Variants in EPC2 observed in about 807,000 individuals in gnomAD.
EPC2 encodes the protein enhancer of polycomb 2.
Under a neutral mutation model 92.1 loss-of-function variants are expected in EPC2, and 14 were observed. The observed-to-expected ratio is 0.15, with a 90% confidence interval of 0.10 to 0.24. The LOEUF (loss-of-function observed/expected upper bound fraction) is 0.24. Among genes scored for constraint, EPC2 ranks in the 10% least tolerant of loss-of-function variants. EPC2 has a pLI of 1.00. For synonymous variants in EPC2, 340 were observed against 334.7 expected, an observed-to-expected ratio of 1.02 and a Z score of -0.17; for missense variants, 755 against 971.5, an observed-to-expected ratio of 0.78 and a Z score of 2.96.
intron 1 of EPC2, among the ~76,000 whole-genome samples, chr2:148,647,053 T>C (rs1288839001): frequency 6.6e-6 from 1 of 152,016 alleles, no homozygotes; most frequent in East Asian, 1.9e-4. Context: ...GAGGTTGCAG[T>C]GAGCAGAGAT....
At chr2:148,683,800 T>G (rs1029697294) in intron 1 of EPC2, among the ~76,000 whole-genome samples, 8 of 152,244 alleles carry the variant, frequency 5.3e-5, no homozygotes, top group African/African-American at 1.9e-4. Flanking sequence ...TGGTTTCATA[T>G]TTTTGCAATT....
intron 1 of EPC2, among the ~76,000 whole-genome samples, chr2:148,667,918 C>T (rs924570568): frequency 6.6e-6 from 1 of 152,006 alleles, no homozygotes; most frequent in East Asian, 1.9e-4. Flanking sequence ...TGTTTTGAGA[C>T]GGAGTCTCAC....
intron 1 of EPC2, among the ~76,000 whole-genome samples, chr2:148,664,813 A>G (rs1389177639): frequency 1.3e-5 from 2 of 152,222 alleles, no homozygotes; most frequent in Non-Finnish European, 2.9e-5. Context: ...TGCAGCTTGT[A>G]TAAATAGTTC....
chr2:148,695,926 T>A (rs1379054302), intron 2 of EPC2, among the ~76,000 whole-genome samples: 1 of 152,202 alleles, frequency 6.6e-6, no homozygotes, highest in Non-Finnish European at 1.5e-5. Flanking sequence ...GGATCTCAAT[T>A]TCAGGTGATT....
At chr2:148,780,218 T>G (rs930617659) in intron 10 of EPC2, among the ~76,000 whole-genome samples, 3 of 152,160 alleles carry the variant, frequency 2.0e-5, no homozygotes, top group African/African-American at 7.2e-5. Context: ...GCCCCCAGTT[T>G]TGAGTCTTTT....
intron 10 of EPC2, among the ~76,000 whole-genome samples, chr2:148,779,083 T>G (rs577995286): frequency 1.3e-4 from 20 of 152,172 alleles, no homozygotes; most frequent in African/African-American, 4.3e-4. Flanking sequence ...GAGAAAAGAA[T>G]AAGGTTCCTG....
chr2:148,750,211 G>A (rs1416701942), intron 3 of EPC2, among the ~76,000 whole-genome samples: 3 of 152,066 alleles, frequency 2.0e-5, no homozygotes, highest in African/African-American at 7.2e-5. Flanking sequence ...TTTAGAGGAA[G>A]AAATGAATTG....
chr2:148,732,933 T>C (rs1236654722), intron 2 of EPC2, among the ~76,000 whole-genome samples: 1 of 144,762 alleles, frequency 6.9e-6, no homozygotes, highest in Non-Finnish European at 1.5e-5. Context: ...TTCTAAATAT[T>C]AAGTGAATAG....
chr2:148,737,348 T>G (rs1327350255), intron 2 of EPC2, among the ~76,000 whole-genome samples: 1 of 152,116 alleles, frequency 6.6e-6, no homozygotes, highest in East Asian at 2.0e-4. Flanking sequence ...GTCCTATCTA[T>G]AAAATTAAAT....
chr2:148,751,701 T>G (rs1048989526), intron 3 of EPC2, among the ~76,000 whole-genome samples: 29 of 152,126 alleles, frequency 1.9e-4, no homozygotes, highest in African/African-American at 6.8e-4. Context: ...TTTTGCAGAT[T>G]TTTAATCATG....
intron 1 of EPC2, among the ~76,000 whole-genome samples, chr2:148,651,348 T>A (rs923692381): frequency 6.6e-6 from 1 of 152,194 alleles, no homozygotes; most frequent in Admixed American, 6.5e-5. Context: ...ATCATTCCCC[T>A]GTTTTCGTTC....
rs138096281 is a variant in EPC2 at position 148,701,679 on chromosome 2, G to A, written c.313+11306G>A. ...GCATGTATGTTCATGAGAGCTATTC[G>A]TCTGTCATTTTCCTTTCTTGTAATA... On this transcript the variant is annotated intron_variant, in intron 2 of 13. Transcript: ENST00000258484. 7.2e-5 allele frequency among the ~76,000 whole-genome samples: 11 copies of A among 152,192 alleles called. 1 individual carries two copies. In the East Asian group the frequency reaches 9.7e-4, roughly 13 times the overall value.
At chr2:148,717,230 CTCTG>C (rs1682280090) in intron 2 of EPC2, among the ~76,000 whole-genome samples, 1 of 94,028 alleles carries the variant, frequency 1.1e-5, no homozygotes, top group African/African-American at 4.2e-5. Flanking sequence ...TTTTTCTTGT[CTCTG>C]TCTACTTCGA....
At chr2:148,669,089 T>C (rs1681106371) in intron 1 of EPC2, among the ~76,000 whole-genome samples, 1 of 152,216 alleles carries the variant, frequency 6.6e-6, no homozygotes, top group Non-Finnish European at 1.5e-5. Context: ...TATTTCTCTT[T>C]TGATTTCTTC....
intron 2 of EPC2, 52 bp downstream of exon 2, chr2:148,690,425 G>A (rs1318679093): frequency 6.8e-7 from 1 of 1,466,454 alleles, no homozygotes; most frequent in Non-Finnish European, 9.1e-7. Flanking sequence ...TTATCAACCA[G>A]TGGAAATCTT....
chr2:148,723,118 C>T (rs1574605202), intron 2 of EPC2, among the ~76,000 whole-genome samples: 1 of 152,098 alleles, frequency 6.6e-6, no homozygotes, highest in East Asian at 1.9e-4. Context: ...ATATCAAACC[C>T]CCATGAGATG....
chr2:148,738,123 A>AAACAACAAC (rs3077276), intron 2 of EPC2, among the ~76,000 whole-genome samples: 2 of 151,890 alleles, frequency 1.3e-5, no homozygotes, highest in Non-Finnish European at 2.9e-5. Flanking sequence ...ATGCCATTTG[A>AAACAACAAC]AACAACAACA....
intron 10 of EPC2, among the ~76,000 whole-genome samples, chr2:148,779,633 G>A (rs1007276913): frequency 3.9e-5 from 6 of 152,166 alleles, no homozygotes; most frequent in Non-Finnish European, 8.8e-5. Context: ...TTCTGAATTA[G>A]TAAGATTTTA....
Position 148,739,059 on chromosome 2 carries a change from C to A in EPC2, c.314-4563C>A, listed in dbSNP as rs573979822. 6.6e-5 allele frequency among the ~76,000 whole-genome samples: 10 copies of A among 152,230 alleles called. No homozygotes were observed. The East Asian group carries it at 1.9e-3, about 29-fold the overall frequency. On this transcript the variant is annotated intron_variant, in intron 2 of 13. Coordinates refer to ENST00000258484, the MANE Select transcript of EPC2 (RefSeq NM_015630.4). ...GAACATGTACCCAGAAGCTGTTGAC[C>A]GGATAGGTCCTTCTCCCAGGTTCAC...
Sources: gnomAD v4.1 joint callset for allele counts (sites outside exome capture counted in the v4.1 genomes callset) on GRCh38, gnomAD v4.1.1 for gene constraint, MANE v1.5 for transcripts, NCBI Gene and HGNC (gene_info 2026-07-23, HGNC 2026-07-21) for gene names.